The following TESK2 variants were observed in gnomAD, a reference collection of about 807,000 sequenced individuals.
TESK2 encodes dual specificity testis-specific protein kinase 2.
Under a neutral mutation model 57.1 loss-of-function variants are expected in TESK2, and 39 were observed. The ratio of observed to expected loss-of-function variants is 0.68; its 90% CI spans 0.53 to 0.89. The LOEUF is 0.89. Ranked by LOEUF, TESK2 falls within the 40% of genes least tolerant of loss-of-function variation. The pLI is 0.00. For synonymous variants in TESK2, 249 were observed against 267.9 expected, an observed-to-expected ratio of 0.93 and a Z score of 0.69; for missense variants, 646 against 732.1, an observed-to-expected ratio of 0.88 and a Z score of 1.36.
At chr1:45,350,696 T>C (rs925947079) in intron 5 of TESK2, among the ~76,000 whole-genome samples, 1 of 152,186 alleles carries the variant, frequency 6.6e-6, no homozygotes, top group African/African-American at 2.4e-5. Flanking sequence ...TACCATGTGA[T>C]CTCATACCTT....
At chr1:45,355,850 T>G (rs767435483) in intron 4 of TESK2, among the ~76,000 whole-genome samples, 1 of 152,126 alleles carries the variant, frequency 6.6e-6, no homozygotes, top group Non-Finnish European at 1.5e-5. Flanking sequence ...ATATGCAAAG[T>G]TACAGGTTAA....
intron 2 of TESK2, among the ~76,000 whole-genome samples, chr1:45,454,647 G>A (rs371029729): frequency 9.9e-5 from 15 of 151,924 alleles, no homozygotes; most frequent in Middle Eastern, 6.8e-3. Flanking sequence ...ATATGACTCA[G>A]CAATTCTATT....
Position 45,480,896 on chromosome 1 carries a change from G to A in TESK2, c.-87+9956C>T, listed in dbSNP as rs187332677. On this transcript the variant is annotated intron_variant, in intron 1 of 10. Transcript: ENST00000372086. Reference sequence around the variant, plus strand: ...CCAGCTACTCAGGAGGCTGAGGCAGGAGAATCACTTGAACCCGGGAAATGG... The same window carrying A: ...CCAGCTACTCAGGAGGCTGAGGCAGAAGAATCACTTGAACCCGGGAAATGG... Among the ~76,000 whole-genome samples the A allele has an allele frequency of 4.3e-3, 648 of 151,654 alleles. 4 individuals carry two copies. The highest frequency in any genetic ancestry group is 0.015 in the African/African-American group (609 of 41,278).
rs192573719 is a variant in TESK2, at chr1:45,394,093, C to T, written c.345-8133G>A. 1.9e-3 allele frequency among the ~76,000 whole-genome samples: 284 copies of T among 152,004 alleles called. 1 individual carries two copies. Among genetic ancestry groups the T allele is most frequent in the African/African-American group, 6.5e-3 (269 of 41,476 alleles). ...GCTTTGAGAGTAAGTGATTACTCAA[C>T]TTTGTTATTTTTAGTTTCATATGAC... On this transcript the variant is annotated intron_variant, in intron 3 of 10. Coordinates refer to ENST00000372086, the MANE Select transcript of TESK2 (RefSeq NM_007170.3).
At chr1:45,365,094 C>T (rs895341455) in intron 4 of TESK2, among the ~76,000 whole-genome samples, 2 of 152,206 alleles carry the variant, frequency 1.3e-5, no homozygotes, top group African/African-American at 2.4e-5. Flanking sequence ...ACATCCCATC[C>T]TGCTGGCTTG....
intron 4 of TESK2, among the ~76,000 whole-genome samples, chr1:45,360,081 G>C (rs1442720482): frequency 1.3e-5 from 2 of 152,142 alleles, no homozygotes; most frequent in Non-Finnish European, 2.9e-5. Flanking sequence ...GAAACTTGTT[G>C]ATCTGCTTCA....
At chr1:45,447,655 CAT>C (rs1428952039) in intron 2 of TESK2, among the ~76,000 whole-genome samples, 3 of 151,776 alleles carry the variant, frequency 2.0e-5, no homozygotes, top group African/African-American at 7.3e-5. Context: ...AAACCATTAA[CAT>C]AGTCAATTAT....
chr1:45,415,478 T>A, intron 3 of TESK2: 1 of 566,788 alleles, frequency 1.8e-6, no homozygotes, highest in Non-Finnish European at 3.2e-6. Flanking sequence ...GGGTTCCATG[T>A]TTTCCTTGTT....
chr1:45,386,003 A>G, intron 3 of TESK2, 43 bp from the exon 4 acceptor site: 1 of 1,477,470 alleles, frequency 6.8e-7, no homozygotes. Flanking sequence ...AAAAGGACAC[A>G]AATATAAATT....
intron 3 of TESK2, among the ~76,000 whole-genome samples, chr1:45,404,478 C>T (rs774813568): frequency 8.6e-5 from 13 of 152,044 alleles, no homozygotes; most frequent in Non-Finnish European, 1.5e-4. Context: ...GTTCTAAATA[C>T]TTTTACAGAG....
chr1:45,445,154 C>T (rs1279448424), intron 2 of TESK2, among the ~76,000 whole-genome samples: 1 of 152,098 alleles, frequency 6.6e-6, no homozygotes, highest in Admixed American at 6.6e-5. Flanking sequence ...CCACCACCAT[C>T]TAGTAACTAA....
At chr1:45,490,617 C>A (rs532295873) in intron 1 of TESK2, among the ~76,000 whole-genome samples, 3 of 151,996 alleles carry the variant, frequency 2.0e-5, no homozygotes, top group Non-Finnish European at 4.4e-5. Flanking sequence ...TTCCCAGGTT[C>A]TAAGGGGGAG....
chr1:45,471,864 G>T (rs1443334965), intron 1 of TESK2, among the ~76,000 whole-genome samples: 3 of 152,110 alleles, frequency 2.0e-5, no homozygotes, highest in African/African-American at 7.2e-5. Flanking sequence ...GCACACTACA[G>T]CCTCGAACTC....
chr1:45,400,904 C>G (rs1014975210), intron 3 of TESK2, among the ~76,000 whole-genome samples: 7 of 151,828 alleles, frequency 4.6e-5, no homozygotes, highest in African/African-American at 1.7e-4. Flanking sequence ...CACCTGTAAT[C>G]CCAGCTACTC....
At chr1:45,481,597 C>G (rs933670158) in intron 1 of TESK2, among the ~76,000 whole-genome samples, 1 of 151,944 alleles carries the variant, frequency 6.6e-6, no homozygotes, top group Non-Finnish European at 1.5e-5. Flanking sequence ...TCTGGAGTAG[C>G]TGAAACTACA....
chr1:45,427,572 T>A (rs1650751106), intron 2 of TESK2, among the ~76,000 whole-genome samples: 1 of 152,248 alleles, frequency 6.6e-6, no homozygotes, highest in Non-Finnish European at 1.5e-5. Context: ...GGAGTACTAT[T>A]CAGCCATAAG....
chr1:45,460,600 C>T (rs969397242), intron 1 of TESK2, among the ~76,000 whole-genome samples: 9 of 152,030 alleles, frequency 5.9e-5, no homozygotes, highest in African/African-American at 2.2e-4. Context: ...CAAGCCCAGG[C>T]TGAAGTGCAA....
intron 1 of TESK2, among the ~76,000 whole-genome samples, chr1:45,465,029 G>C (rs1652487695): frequency 6.6e-6 from 1 of 152,120 alleles, no homozygotes; most frequent in Non-Finnish European, 1.5e-5. Flanking sequence ...CTGAGGTCAG[G>C]AGTTCGAGAC....
At chr1:45,351,535 G>C (rs555210604) in intron 5 of TESK2, among the ~76,000 whole-genome samples, 1 of 152,334 alleles carries the variant, frequency 6.6e-6, no homozygotes, top group South Asian at 2.1e-4. Context: ...ACAGGCTTAG[G>C]ATCATTTGGA....
Sources: allele counts gnomAD v4.1 joint callset (sites outside exome capture counted in the v4.1 genomes callset), GRCh38; gene constraint gnomAD v4.1.1; transcripts MANE v1.5; gene names NCBI Gene and HGNC (gene_info 2026-07-23, HGNC 2026-07-21).